Variants in PARD6G observed in about 807,000 individuals in gnomAD.
The protein encoded by PARD6G is partitioning defective 6 homolog gamma.
Under a neutral mutation model 10.7 loss-of-function variants are expected in PARD6G, and 7 were observed. That is an observed-to-expected ratio of 0.66 (90% confidence interval 0.37 to 1.23). The LOEUF is 1.23. Among genes scored for constraint, PARD6G ranks in the 50% most tolerant of loss-of-function variants. The pLI, the probability that PARD6G is intolerant of heterozygous loss-of-function variation, is 0.02. For missense variants in PARD6G, 548 were observed against 571.8 expected, an observed-to-expected ratio of 0.96 and a Z score of 0.42; for synonymous variants, 287 against 269.4, an observed-to-expected ratio of 1.07 and a Z score of -0.64.
At position 80,159,947 on chromosome 18, in the gene PARD6G, G is replaced by C; in HGVS notation, c.955C>G (p.Pro319Ala). Reference protein sequence around the residue: ...PARPPQTPGAPAGSLSRVNGA... With the variant: ...PARPPQTPGAAAGSLSRVNGA... ...TTGACCCGGGAGAGGCTGCCTGCGG[G>C]CGCGCCCGGGGTCTGGGGGGGACGT... Residue 319 changes from proline (P) to alanine (A), a missense_variant, in exon 3 of 3, where the codon CCC (proline) becomes GCC (alanine). Physicochemically the swap from Pro to Ala is conservative, Grantham distance 27. This residue lies in a region of PARD6G where 313 missense variants were observed against 279.9 expected (regional missense o/e 1.12). Coordinates refer to ENST00000353265, the MANE Select transcript of PARD6G (RefSeq NM_032510.4). The C allele has an allele frequency of 6.7e-7, 1 of 1,498,542 alleles. No homozygotes were observed. The highest frequency in any genetic ancestry group is 8.8e-7 in the Non-Finnish European group (1 of 1,133,260). The allele number at this position is 1,498,542 out of a possible 1,614,324, so 92.8% of individuals were successfully genotyped here. A position where few individuals can be genotyped will look rare whatever the true frequency, so the allele number is the denominator to read the frequency against.
At chr18:80,245,696 T>C (rs1334662866) in intron 1 of PARD6G, among the ~76,000 whole-genome samples, 3 of 152,118 alleles carry the variant, frequency 2.0e-5, no homozygotes, top group Non-Finnish European at 4.4e-5. Flanking sequence ...TATTGTCTAC[T>C]GTACTAGATA....
chr18:80,172,649 T>G (rs1309595267), intron 2 of PARD6G, among the ~76,000 whole-genome samples: 2 of 152,226 alleles, frequency 1.3e-5, no homozygotes, highest in Admixed American at 6.5e-5. Context: ...TCTCCCAAAG[T>G]GCTGGGATTA....
chr18:80,219,062 G>C (rs1416259136), intron 1 of PARD6G, among the ~76,000 whole-genome samples: 1 of 152,258 alleles, frequency 6.6e-6, no homozygotes. Flanking sequence ...AGGCCTCCAG[G>C]CCTGTGATGA....
At position 80,200,485 on chromosome 18, in the gene PARD6G, G is replaced by A. The variant is rs1442497698; in HGVS notation, c.295+2225C>T. Among the ~76,000 whole-genome samples, 1 of 152,180 alleles carries A rather than the reference G, an allele frequency of 6.6e-6. No homozygotes were observed. The highest frequency in any genetic ancestry group is 2.4e-5 in the African/African-American group (1 of 41,434). On this transcript the variant is annotated intron_variant, in intron 2 of 2. Transcript: ENST00000353265. The surrounding 1 kb of genome is among the most constrained non-coding windows in gnomAD (Gnocchi z 4.4). ...AGGCACTACCACCCGTGCCACAGAT[G>A]AGGACGGTAGAGCTCTGCGGGATGA...
chr18:80,165,432 C>A (rs1366255645), intron 2 of PARD6G, among the ~76,000 whole-genome samples: 1 of 152,060 alleles, frequency 6.6e-6, no homozygotes. Context: ...TTATTCTGTT[C>A]TTTTTCAAGG....
rs928619684 is a variant in PARD6G at position 80,221,722 on chromosome 18, G to T, written c.73-18790C>A. On this transcript the variant is annotated intron_variant, in intron 1 of 2. Coordinates refer to ENST00000353265, the MANE Select transcript of PARD6G (RefSeq NM_032510.4). ...ACCCAGGAAAGGCAAGAAAATAAAAGACATCAGATTGGAATGGAAGAAGTT... is the reference window on the plus strand; with the variant it reads ...ACCCAGGAAAGGCAAGAAAATAAAATACATCAGATTGGAATGGAAGAAGTT... Among the ~76,000 whole-genome samples the T allele has an allele frequency of 1.4e-4, 21 of 152,166 alleles. No homozygotes were observed. In the East Asian group the frequency reaches 3.1e-3, roughly 22 times the overall value.
At chr18:80,174,050 G>A (rs1421736991) in intron 2 of PARD6G, among the ~76,000 whole-genome samples, 2 of 152,168 alleles carry the variant, frequency 1.3e-5, no homozygotes, top group African/African-American at 4.8e-5. Context: ...GACCAGTGCT[G>A]AGCCCAGTGT....
intron 2 of PARD6G, among the ~76,000 whole-genome samples, chr18:80,168,187 C>T (rs1376278995): frequency 2.0e-5 from 3 of 152,166 alleles, no homozygotes; most frequent in African/African-American, 7.2e-5. Flanking sequence ...TGAGAGAACA[C>T]ACAACCTCAG....
chr18:80,215,024 GT>G (rs1967149119), intron 1 of PARD6G, among the ~76,000 whole-genome samples: 1 of 41,820 alleles, frequency 2.4e-5, no homozygotes, highest in South Asian at 6.2e-4. Flanking sequence ...CTGGCTTCTT[GT>G]TAAAAAAAAA....
Position 80,175,362 on chromosome 18 carries a change from G to A in PARD6G, c.296-14756C>T, listed in dbSNP as rs2145256364. Among the ~76,000 whole-genome samples the A allele has an allele frequency of 6.6e-6, 1 of 152,316 alleles. No individual in the cohort carries two copies. The highest frequency in any genetic ancestry group is 2.4e-5 in the African/African-American group (1 of 41,564). On this transcript the variant is annotated intron_variant, in intron 2 of 2. Transcript: ENST00000353265. The surrounding 1 kb of genome is among the most constrained non-coding windows in gnomAD (Gnocchi z 6.7). ...CCATATCAAGGTCCGGCTTGTAACA[G>A]TTTCTGGGGAGGGCTCTCTTCCCGG...
At position 80,180,062 on chromosome 18, in the gene PARD6G, C is replaced by A. The variant is rs1248763194; in HGVS notation, c.296-19456G>T. Among the ~76,000 whole-genome samples the A allele has an allele frequency of 6.6e-6, 1 of 152,198 alleles. No individual in the cohort carries two copies. Among genetic ancestry groups the A allele is most frequent in the Non-Finnish European group, 1.5e-5 (1 of 68,040 alleles). The stretch of plus-strand genomic sequence containing the variant: ...TGCCTCAGAACGAAAGTTCAGTGGT[C>A]TGCAGAGAGGAGAGGAAAGGGGAAG... On this transcript the variant is annotated intron_variant, in intron 2 of 2. Coordinates refer to ENST00000353265, the MANE Select transcript of PARD6G (RefSeq NM_032510.4). The surrounding 1 kb of genome is among the most constrained non-coding windows in gnomAD (Gnocchi z 5.6).
At position 80,246,694 on chromosome 18, in the gene PARD6G, G is replaced by T. The variant is rs971385209; in HGVS notation, c.72+583C>A. On this transcript the variant is annotated intron_variant, in intron 1 of 2. Coordinates refer to ENST00000353265, the MANE Select transcript of PARD6G (RefSeq NM_032510.4). This position sits in a 1 kb window ranked among gnomAD's most constrained non-coding sequence, Gnocchi z 6.7. The stretch of plus-strand genomic sequence containing the variant: ...GGGAGGCGTGGTCTGGGTCTGGGCC[G>T]GGGGAGAGCCGGGTGCGTGCTCTGG... 6.6e-6 allele frequency among the ~76,000 whole-genome samples: 1 copy of T among 151,954 alleles called. No individual in the cohort carries two copies. The highest frequency in any genetic ancestry group is 1.5e-5 in the Non-Finnish European group (1 of 67,922).
chr18:80,214,549 T>A (rs989231059), intron 1 of PARD6G, among the ~76,000 whole-genome samples: 12 of 152,098 alleles, frequency 7.9e-5, no homozygotes, highest in African/African-American at 2.9e-4. Flanking sequence ...GTAGAAATGC[T>A]AGAGTTGAAA....
At chr18:80,224,314 A>C (rs1967263316) in intron 1 of PARD6G, among the ~76,000 whole-genome samples, 1 of 152,224 alleles carries the variant, frequency 6.6e-6, no homozygotes, top group Admixed American at 6.5e-5. Flanking sequence ...ACGTTTAAAC[A>C]AATCAGAGCA....
At chr18:80,212,315 T>C (rs1967117232) in intron 1 of PARD6G, among the ~76,000 whole-genome samples, 1 of 152,186 alleles carries the variant, frequency 6.6e-6, no homozygotes, top group Non-Finnish European at 1.5e-5. Context: ...CTCATAACCA[T>C]GAACTGGAAT....
At chr18:80,202,303 T>C (rs1023179188) in intron 2 of PARD6G, among the ~76,000 whole-genome samples, 2 of 152,170 alleles carry the variant, frequency 1.3e-5, no homozygotes, top group African/African-American at 2.4e-5. Context: ...ATAGCGAAAC[T>C]GGGCCTCAGA....
At chr18:80,227,399 G>A (rs531794438) in intron 1 of PARD6G, among the ~76,000 whole-genome samples, 19 of 152,176 alleles carry the variant, frequency 1.2e-4, no homozygotes, top group South Asian at 1.2e-3. Flanking sequence ...CCACCAGTCC[G>A]GCCCTGTGGA....
intron 2 of PARD6G, among the ~76,000 whole-genome samples, chr18:80,195,028 C>G (rs1034367494): frequency 1.0e-4 from 6 of 57,622 alleles, no homozygotes; most frequent in African/African-American, 4.6e-4. Flanking sequence ...GCTCTGCCAG[C>G]CAGAGTCCCA....
chr18:80,204,052 C>G (rs1332986412), intron 1 of PARD6G, among the ~76,000 whole-genome samples: 1 of 152,084 alleles, frequency 6.6e-6, no homozygotes, highest in African/African-American at 2.4e-5. Context: ...GCCCGCAGAG[C>G]TCCAGGATAC....
Sources: allele counts gnomAD v4.1 joint callset (sites outside exome capture counted in the v4.1 genomes callset), GRCh38; gene constraint gnomAD v4.1.1; regional missense constraint gnomAD v4.1.1; non-coding constraint Gnocchi (gnomAD v3.1); transcripts MANE v1.5; gene names NCBI Gene and HGNC (gene_info 2026-07-23, HGNC 2026-07-21).